The following SCUBE2 variants were observed in gnomAD, a reference collection of about 807,000 sequenced individuals.
SCUBE2 encodes signal peptide, CUB and EGF-like domain-containing protein 2.
In SCUBE2, 114 loss-of-function variants were observed where a neutral mutation model predicts 125.9. The observed-to-expected ratio is 0.91, with a 90% CI of 0.78 to 1.06. The LOEUF is 1.06. Among genes scored for constraint, SCUBE2 ranks in the 50% least tolerant of loss-of-function variants. The pLI is 0.00. For synonymous variants in SCUBE2, 459 were observed against 492.9 expected, an observed-to-expected ratio of 0.93 and a Z score of 0.91; for missense variants, 1,255 against 1,301.8, an observed-to-expected ratio of 0.96 and a Z score of 0.55.
intron 14 of SCUBE2, among the ~76,000 whole-genome samples, chr11:9,049,057 T>C (rs1277900547): frequency 6.6e-6 from 1 of 152,210 alleles, no homozygotes; most frequent in Non-Finnish European, 1.5e-5. Flanking sequence ...TTTCCATATA[T>C]ATTTTTTTAA....
chr11:9,090,477 A>T (rs28633109), intron 1 of SCUBE2: 9 of 48,066 alleles, frequency 1.9e-4, no homozygotes, highest in South Asian at 5.8e-4. Flanking sequence ...TTTTTTTTTT[A>T]TTTATTTATT....
intron 9 of SCUBE2, chr11:9,057,264 C>T (rs1361507526): frequency 1.3e-5 from 2 of 152,186 alleles, no homozygotes; most frequent in African/African-American, 4.8e-5. Flanking sequence ...CTGCTCTATA[C>T]ACTAGGAAAC....
chr11:9,075,993 G>T (rs1040316298), intron 3 of SCUBE2, among the ~76,000 whole-genome samples: 9 of 152,354 alleles, frequency 5.9e-5, no homozygotes, highest in African/African-American at 2.2e-4. Flanking sequence ...AGGCAGGCAG[G>T]TGATCTGTCT....
chr11:9,052,809 T>C lies in SCUBE2; in HGVS notation c.1471A>G (p.Thr491Ala). 5.9e-6 allele frequency: 9 copies of C among 1,537,126 alleles called. No individual in the cohort carries two copies. The highest frequency in any genetic ancestry group is 7.8e-6 in the Non-Finnish European group (9 of 1,146,834). ...SSGLQGAYSV[T>A]CGSSSPLRNK... ...CTGAGAGGAGAGGAAGAGCCACAGGTGACAGAGTAGGCCCCTTGCAGTCCT... is the reference window on the plus strand; with the variant it reads ...CTGAGAGGAGAGGAAGAGCCACAGGCGACAGAGTAGGCCCCTTGCAGTCCT... The change falls in exon 13 of 23, where the codon ACC becomes GCC. Residue 491 changes from threonine (T) to alanine (A), a missense_variant. This residue lies in a region of SCUBE2 where 378 missense variants were observed against 463.1 expected (regional missense o/e 0.82). Coordinates refer to ENST00000649792, the MANE Select transcript of SCUBE2 (RefSeq NM_001367977.2).
In SCUBE2 at chr11:9,079,504, C is replaced by T. The variant is rs556341880; in HGVS notation, c.262G>A (p.Asp88Asn). ...CCATTGAGCTCATTTCCACATTCAT[C>T]GATGTCTGAGGAATAAAACAGAAGT... ...QGEGRQCEDI[D>N]ECGNELNGGC... is the part of the protein sequence containing the mutation. Residue 88 changes from aspartate to asparagine, a missense_variant, in exon 3 of 23, where the codon GAT becomes AAT. Asp to Asn is a conservative substitution (Grantham distance 23, BLOSUM62 1). This residue lies in a region of SCUBE2 where 362 missense variants were observed against 323.0 expected (regional missense o/e 1.12). Coordinates refer to ENST00000649792, the MANE Select transcript of SCUBE2 (RefSeq NM_001367977.2). 41 of 1,613,348 alleles carry T rather than the reference C, an allele frequency of 2.5e-5. No individual in the cohort carries two copies. Among genetic ancestry groups the T allele is most frequent in the African/African-American group, 5.3e-5 (4 of 75,028 alleles).
chr11:9,075,051 A>G (rs1861109128), intron 3 of SCUBE2, among the ~76,000 whole-genome samples: 1 of 152,082 alleles, frequency 6.6e-6, no homozygotes, highest in Non-Finnish European at 1.5e-5. Context: ...CCCCGTCTCT[A>G]TTAAAAACAC....
chr11:9,025,556 G>A, intron 21 of SCUBE2, 146 bp downstream of exon 21: 1 of 828,362 alleles, frequency 1.2e-6, no homozygotes. Context: ...GTTAAAATTT[G>A]GCACTTGTGA....
At chr11:9,041,334 G>T (rs1411727721) in intron 16 of SCUBE2, among the ~76,000 whole-genome samples, 1 of 152,156 alleles carries the variant, frequency 6.6e-6, no homozygotes, top group Non-Finnish European at 1.5e-5. Flanking sequence ...TTTCAGAATC[G>T]CCAGCATGTG....
chr11:9,047,373 T>A lies in SCUBE2; in HGVS notation c.1985A>T (p.His662Leu). 6.2e-7 allele frequency: 1 copy of A among 1,614,224 alleles called. No individual in the cohort carries two copies. Among genetic ancestry groups the A allele is most frequent in the Non-Finnish European group, 8.5e-7 (1 of 1,180,046 alleles). Residue 662 changes from histidine to leucine, a missense_variant, in exon 16 of 23, where the codon CAT becomes CTT. His to Leu is a moderately conservative substitution (Grantham distance 99). Around this residue, in one of 3 missense-constraint regions of SCUBE2, gnomAD observed 515 missense variants for 515.7 expected, o/e 1.00. Transcript: ENST00000649792. ...QAESCGVGQG[H>L]AENQCVSCRA... ...CCACTCACCACATTGGTTTTCTGCA[T>A]GACCCTGGCCCACTCCACAGGACTC...
intron 10 of SCUBE2, among the ~76,000 whole-genome samples, chr11:9,055,136 T>C (rs1858953648): frequency 6.6e-6 from 1 of 152,208 alleles, no homozygotes; most frequent in Non-Finnish European, 1.5e-5. Context: ...TTGGAAGTCC[T>C]AGACATTCTG....
intron 19 of SCUBE2, among the ~76,000 whole-genome samples, chr11:9,028,359 G>A (rs914803137): frequency 1.3e-5 from 2 of 152,180 alleles, no homozygotes; most frequent in Admixed American, 6.5e-5. Flanking sequence ...AAGGAAGGAA[G>A]AAAATTCTAA....
intron 3 of SCUBE2, among the ~76,000 whole-genome samples, chr11:9,077,864 A>G (rs541578837): frequency 5.3e-5 from 8 of 152,216 alleles, no homozygotes; most frequent in African/African-American, 1.9e-4. Context: ...GCAAGAAAAG[A>G]CTCTGCCTTC....
At chr11:9,064,232 C>T (rs952527582) in intron 7 of SCUBE2, among the ~76,000 whole-genome samples, 3 of 152,058 alleles carry the variant, frequency 2.0e-5, no homozygotes, top group South Asian at 4.2e-4. Context: ...TTTGGGAGGC[C>T]AAGGTAGGCA....
chr11:9,069,465 C>T lies in SCUBE2; in HGVS notation c.548G>A (p.Gly183Asp), dbSNP rs1470299880. The T allele has an allele frequency of 6.2e-7, 1 of 1,614,134 alleles. No homozygotes were observed. The highest frequency in any genetic ancestry group is 8.5e-7 in the Non-Finnish European group (1 of 1,180,054). Residue 183 changes from glycine to aspartate, a missense_variant, in exon 5 of 23, where the codon GGC becomes GAC. By Grantham distance (94) the Gly-to-Asp change is moderately conservative (BLOSUM62 -1). Around this residue, in one of 3 missense-constraint regions of SCUBE2, gnomAD observed 362 missense variants for 323.0 expected, o/e 1.12. Transcript: ENST00000649792. ...EGLSCMNKDH[G>D]CSHICKEAPR... is the part of the protein sequence containing the mutation. ...GGCCTCCTTGCAGATGTGACTACAGCCGTGATCCTTATTCATGCAGCTCAG... is the reference window on the plus strand; with the variant it reads ...GGCCTCCTTGCAGATGTGACTACAGTCGTGATCCTTATTCATGCAGCTCAG...
At chr11:9,030,353 C>T (rs1856198058) in intron 18 of SCUBE2, 2 of 448,328 alleles carry the variant, frequency 4.5e-6, no homozygotes, top group East Asian at 4.2e-5. Context: ...GTATAGGGGG[C>T]AGGCAGTTGC....
rs765518678 is a variant in SCUBE2, at chr11:9,065,891, C to T, written c.850G>A (p.Glu284Lys). The change falls in exon 7 of 23, where the codon GAA becomes AAA. Residue 284 changes from glutamate (E) to lysine (K), a missense_variant and splice_region_variant. This residue lies in a region of SCUBE2 where 378 missense variants were observed against 463.1 expected (regional missense o/e 0.82). Coordinates refer to ENST00000649792, the MANE Select transcript of SCUBE2 (RefSeq NM_001367977.2). ...AAGGAAAGGGAGTGAAGGTGCCTAC[C>T]CATGAGCAGCCGCCGTTTCACCCGT... The part of the protein sequence containing the change: ...DKRVKRRLLM[E>K]TCAVNNGGCD... The T allele has an allele frequency of 2.6e-5, 42 of 1,613,642 alleles. No individual in the cohort carries two copies. The highest frequency in any genetic ancestry group is 3.0e-5 in the Non-Finnish European group (35 of 1,179,676).
chr11:9,023,139 G>T (rs1589982081), intron 21 of SCUBE2, among the ~76,000 whole-genome samples: 1 of 152,288 alleles, frequency 6.6e-6, no homozygotes, highest in African/African-American at 2.4e-5. Context: ...CATATGCAAA[G>T]CACAATCTTT....
intron 17 of SCUBE2, 31 bp downstream of exon 17, chr11:9,033,595 A>C: frequency 6.2e-7 from 1 of 1,602,158 alleles, no homozygotes; most frequent in Non-Finnish European, 8.5e-7. Context: ...CAGAGATGGG[A>C]GGAGTAGGAA....
intron 8 of SCUBE2, among the ~76,000 whole-genome samples, chr11:9,060,148 T>C (rs1369000447): frequency 1.3e-5 from 2 of 152,202 alleles, no homozygotes; most frequent in East Asian, 3.8e-4. Flanking sequence ...ATAAGGCCAC[T>C]GTCTGAAATG....
Sources: allele counts gnomAD v4.1 joint callset (sites outside exome capture counted in the v4.1 genomes callset), GRCh38; gene constraint gnomAD v4.1.1; regional missense constraint gnomAD v4.1.1; transcripts MANE v1.5; gene names NCBI Gene and HGNC (gene_info 2026-07-23, HGNC 2026-07-21).